The following RBMS3 variants were observed in gnomAD, a reference collection of about 807,000 sequenced individuals.
The protein encoded by RBMS3 is RNA binding motif single stranded interacting protein 3.
RBMS3 carries 27 observed loss-of-function variants against 66.8 expected under a neutral mutation model. The ratio of observed to expected loss-of-function variants is 0.40; its 90% CI spans 0.30 to 0.56. RBMS3 has a LOEUF of 0.56. Among genes scored for constraint, RBMS3 ranks in the 20% least tolerant of loss-of-function variants. The pLI, the probability that RBMS3 is intolerant of heterozygous loss-of-function variation, is 0.40. For missense variants in RBMS3, 513 were observed against 549.5 expected, an observed-to-expected ratio of 0.93 and a Z score of 0.66; for synonymous variants, 188 against 183.0, an observed-to-expected ratio of 1.03 and a Z score of -0.22.
chr3:29,860,839 G>A (rs998163431), intron 6 of RBMS3, among the ~76,000 whole-genome samples: 6 of 152,104 alleles, frequency 3.9e-5, no homozygotes, highest in African/African-American at 1.2e-4. Context: ...AATATCACAC[G>A]AATAGTTTAG....
At position 29,572,167 on chromosome 3, in the gene RBMS3, T is replaced by C. The variant is rs576741359; in HGVS notation, c.308-14947T>C. Among the ~76,000 whole-genome samples the C allele has an allele frequency of 7.2e-4, 109 of 152,252 alleles. 1 individual carries two copies. Among genetic ancestry groups the C allele is most frequent in the Middle Eastern group, 3.4e-3 (1 of 294 alleles). ...TGAATGTTTATCAATTCTGATAGTA[T>C]TTTTGGTAGAGTCTTTTAAGTTTTT... On this transcript the variant is annotated intron_variant, in intron 3 of 14. Transcript: ENST00000383767.
At chr3:29,736,775 T>G (rs1201170297) in intron 4 of RBMS3, among the ~76,000 whole-genome samples, 1 of 152,174 alleles carries the variant, frequency 6.6e-6, no homozygotes, top group African/African-American at 2.4e-5. Flanking sequence ...TTCTTCCCAG[T>G]AAAAAGACTC....
At chr3:29,555,891 T>C (rs1012894558) in intron 3 of RBMS3, among the ~76,000 whole-genome samples, 9 of 152,208 alleles carry the variant, frequency 5.9e-5, no homozygotes, top group Non-Finnish European at 1.2e-4. Context: ...TCAAAAGCTT[T>C]TTCAGAACTA....
intron 4 of RBMS3, among the ~76,000 whole-genome samples, chr3:29,638,990 C>T (rs1192823953): frequency 6.6e-6 from 1 of 151,634 alleles, no homozygotes; most frequent in Non-Finnish European, 1.5e-5. Flanking sequence ...ATAATCCTTT[C>T]TTTAAGAGTT....
At position 29,622,889 on chromosome 3, in the gene RBMS3, G is replaced by A. The variant is rs563629321; in HGVS notation, c.399+35684G>A. Among the ~76,000 whole-genome samples the A allele has an allele frequency of 2.0e-5, 3 of 152,262 alleles. No individual in the cohort carries two copies. In the East Asian group the frequency reaches 5.8e-4, roughly 30 times the overall value. On this transcript the variant is annotated intron_variant, in intron 4 of 14. Coordinates refer to ENST00000383767, the MANE Select transcript of RBMS3 (RefSeq NM_001003793.3). ...ATCCCAGTTTTGGGAGGCCAAGGCGGTTGGATCACGAGGTCAGGAGATGGA... is the reference window on the plus strand; with the variant it reads ...ATCCCAGTTTTGGGAGGCCAAGGCGATTGGATCACGAGGTCAGGAGATGGA...
intron 8 of RBMS3, among the ~76,000 whole-genome samples, chr3:29,884,422 T>TTCTCTTTC (rs2059810906): frequency 2.4e-5 from 1 of 41,842 alleles, no homozygotes; most frequent in Non-Finnish European, 4.3e-5. Flanking sequence ...TTAAACCCTG[T>TTCTCTTTC]TCTCTCTCTC....
At chr3:29,592,514 G>T (rs1350453051) in intron 4 of RBMS3, among the ~76,000 whole-genome samples, 6 of 152,192 alleles carry the variant, frequency 3.9e-5, no homozygotes, top group African/African-American at 1.4e-4. Flanking sequence ...AACAACAGGT[G>T]CTGGAGAGGA....
chr3:29,440,514 G>GC (rs2041578480), intron 2 of RBMS3, among the ~76,000 whole-genome samples: 1 of 152,148 alleles, frequency 6.6e-6, no homozygotes, highest in African/African-American at 2.4e-5. Flanking sequence ...CAACTGCCCT[G>GC]CCCCCACACT....
intron 4 of RBMS3, among the ~76,000 whole-genome samples, chr3:29,634,986 A>C (rs887597486): frequency 6.6e-6 from 1 of 151,908 alleles, no homozygotes; most frequent in Admixed American, 6.6e-5. Flanking sequence ...AAATAGAAGC[A>C]TTTCTACTTC....
intron 1 of RBMS3, 133 bp downstream of exon 1, chr3:29,281,889 A>G (rs2031825035): frequency 1.4e-6 from 1 of 711,616 alleles, no homozygotes; most frequent in Non-Finnish European, 2.3e-6. Flanking sequence ...AATTAGTGAC[A>G]TACCAATGGA....
At chr3:29,655,413 A>G (rs2050290595) in intron 4 of RBMS3, among the ~76,000 whole-genome samples, 1 of 152,352 alleles carries the variant, frequency 6.6e-6, no homozygotes. Flanking sequence ...TTAGTCATGC[A>G]CCACATAAAG....
chr3:29,930,109 C>CTTTCT (rs71091082), intron 10 of RBMS3, among the ~76,000 whole-genome samples: 8 of 43,576 alleles, frequency 1.8e-4, no homozygotes, highest in East Asian at 1.6e-3. Flanking sequence ...TTCTTTCTTT[C>CTTTCT]TTTTTTTTTT....
intron 11 of RBMS3, 22 bp from the exon 12 acceptor site, chr3:29,944,185 C>A: frequency 6.4e-7 from 1 of 1,565,032 alleles, no homozygotes; most frequent in Non-Finnish European, 8.8e-7. Context: ...TGCATTCTTT[C>A]TCATGCTCTT....
At chr3:29,334,804 C>T (rs1364474193) in intron 1 of RBMS3, among the ~76,000 whole-genome samples, 1 of 152,124 alleles carries the variant, frequency 6.6e-6, no homozygotes, top group Non-Finnish European at 1.5e-5. Flanking sequence ...TTAATAAGCT[C>T]ACCACATTTG....
At chr3:29,756,139 C>A (rs1249759157) in intron 5 of RBMS3, among the ~76,000 whole-genome samples, 2 of 152,070 alleles carry the variant, frequency 1.3e-5, no homozygotes, top group Non-Finnish European at 2.9e-5. Context: ...TTTTCTGACA[C>A]CAAATGTGTG....
intron 13 of RBMS3, among the ~76,000 whole-genome samples, chr3:29,989,832 G>A (rs573819070): frequency 2.2e-4 from 33 of 152,058 alleles, no homozygotes; most frequent in Non-Finnish European, 4.0e-4. Context: ...GCACCTATGC[G>A]ATAAGAAAAT....
chr3:29,892,191 C>A (rs765999829), intron 8 of RBMS3, among the ~76,000 whole-genome samples: 5 of 151,610 alleles, frequency 3.3e-5, no homozygotes, highest in Non-Finnish European at 5.9e-5. Flanking sequence ...CCAAGTGATT[C>A]TTTGCATTTC....
rs1003246537 is a variant in RBMS3, at chr3:29,374,617, C to T, written c.76-60126C>T. Among the ~76,000 whole-genome samples, 33 of 152,180 alleles carry T rather than the reference C, an allele frequency of 2.2e-4. 1 individual carries two copies. Among genetic ancestry groups the T allele is most frequent in the Admixed American group, 2.0e-3 (30 of 15,280 alleles). On this transcript the variant is annotated intron_variant, in intron 1 of 14. Transcript: ENST00000383767. Reference sequence around the variant, plus strand: ...CCAACTGTAGTCTAATGTAAGTGTTCTGAGCATGTTTAAGTTAGGCTAGGC... The same window carrying T: ...CCAACTGTAGTCTAATGTAAGTGTTTTGAGCATGTTTAAGTTAGGCTAGGC...
At chr3:29,325,720 G>T (rs139663770) in intron 1 of RBMS3, among the ~76,000 whole-genome samples, 1 of 151,718 alleles carries the variant, frequency 6.6e-6, no homozygotes, top group Non-Finnish European at 1.5e-5. Context: ...AAACTCACAG[G>T]TGTTCTTCTA....
Sources: allele counts gnomAD v4.1 joint callset (sites outside exome capture counted in the v4.1 genomes callset), GRCh38; gene constraint gnomAD v4.1.1; transcripts MANE v1.5; gene names NCBI Gene and HGNC (gene_info 2026-07-23, HGNC 2026-07-21).